HEATR4: variants seen among roughly 807,000 people sequenced by gnomAD.
The protein encoded by HEATR4 is HEAT repeat containing 4, also known as HEAT repeat-containing protein 4.
Under a neutral mutation model 108.8 loss-of-function variants are expected in HEATR4, and 95 were observed. The observed-to-expected ratio is 0.87, with a 90% CI of 0.74 to 1.04. HEATR4 has a LOEUF of 1.04. Among genes scored for constraint, HEATR4 ranks in the 50% least tolerant of loss-of-function variants. The probability of loss-of-function intolerance (pLI) is 0.00; values close to 1 mark genes in which losing one functional copy is unlikely to be tolerated. For synonymous variants in HEATR4, 443 were observed against 459.4 expected (o/e 0.96, Z 0.46); for missense variants, 1,152 against 1,253.8 (o/e 0.92, Z 1.23).
chr14:73,569,957 C>T, the HEATR4 span: 7 of 1,504,488 alleles, frequency 4.7e-6, no homozygotes, highest in East Asian at 4.9e-5. Flanking sequence ...CCACGCTTTT[C>T]GCTTATGTGT....
At chr14:73,619,986 A>T in the HEATR4 span, 1 of 909,296 alleles carries the variant, frequency 1.1e-6, no homozygotes, top group Non-Finnish European at 1.6e-6. Flanking sequence ...ATCTTGGCTC[A>T]CTGTAACCTC....
intron 17 of HEATR4, among the ~76,000 whole-genome samples, chr14:73,484,633 G>A (rs1284705177): frequency 3.3e-5 from 5 of 152,058 alleles, no homozygotes; most frequent in Admixed American, 3.3e-4. Flanking sequence ...TCCCGCCTCA[G>A]CCTCCCAAAG....
At chr14:73,518,865 G>C (rs1887798603) in intron 5 of HEATR4, among the ~76,000 whole-genome samples, 158 bp downstream of exon 5, 1 of 152,136 alleles carries the variant, frequency 6.6e-6, no homozygotes, top group Non-Finnish European at 1.5e-5. Flanking sequence ...TTATAATTTT[G>C]TGAGATTATT....
chr14:73,509,361 CTG>C lies in HEATR4; in HGVS notation c.1669_1670del (p.Gln557ValfsTer3). The C allele has an allele frequency of 6.2e-7, 1 of 1,614,098 alleles. No individual in the cohort carries two copies. The highest frequency in any genetic ancestry group is 1.1e-5 in the South Asian group (1 of 91,064). ...MAAAICQYAI[Q>X]SHNPLARNIM... ...TGTTCCGGGCAAGGGGATTATGTGA[CTG>C]TATGGCATATTGGCATATTGCTGCT... On this transcript the variant is annotated frameshift_variant, in exon 8 of 18. Transcript: ENST00000553558. LOFTEE classifies it high-confidence loss of function.
At chr14:73,482,498 G>T (rs1343477040) in intron 17 of HEATR4, among the ~76,000 whole-genome samples, 1 of 152,010 alleles carries the variant, frequency 6.6e-6, no homozygotes, top group African/African-American at 2.4e-5. Context: ...CTCCAGTCTG[G>T]GCGACACAGC....
intron 17 of HEATR4, among the ~76,000 whole-genome samples, chr14:73,485,608 C>T (rs1261917394): frequency 1.3e-5 from 2 of 152,158 alleles, no homozygotes; most frequent in Non-Finnish European, 2.9e-5. Context: ...CATGGCAGCT[C>T]ATTCCTGTAA....
the HEATR4 span, among the ~76,000 whole-genome samples, chr14:73,609,191 T>C: frequency 6.6e-6 from 1 of 152,172 alleles, no homozygotes; most frequent in East Asian, 1.9e-4. Flanking sequence ...TCAATGAGAA[T>C]TGGCTGGTGA....
the HEATR4 span, among the ~76,000 whole-genome samples, chr14:73,580,248 C>T: frequency 6.6e-6 from 1 of 152,006 alleles, no homozygotes; most frequent in African/African-American, 2.4e-5. Context: ...CCCACTTCAG[C>T]CTCCTGAGTA....
chr14:73,620,237 G>A, the HEATR4 span, among the ~76,000 whole-genome samples: 6,636 of 152,178 alleles, frequency 0.044, 181 homozygotes, highest in Middle Eastern at 0.075. Flanking sequence ...CCCAGAGCCC[G>A]TAGCAACCTT....
the HEATR4 span, among the ~76,000 whole-genome samples, chr14:73,572,176 C>A: frequency 2.9e-4 from 7 of 24,512 alleles, no homozygotes; most frequent in African/African-American, 5.5e-4. Flanking sequence ...TATAAGAGGC[C>A]AGATGAGCAG....
chr14:73,579,091 G>GAAAA, the HEATR4 span, among the ~76,000 whole-genome samples: 1 of 94,110 alleles, frequency 1.1e-5, no homozygotes, highest in Non-Finnish European at 2.2e-5. Flanking sequence ...TCAAAAAAAA[G>GAAAA]AAAAAAAAAA....
intron 1 of HEATR4, among the ~76,000 whole-genome samples, chr14:73,557,824 G>A: frequency 1.2e-5 from 1 of 85,382 alleles, no homozygotes; most frequent in South Asian, 3.7e-4. Context: ...CCAGTAGCTG[G>A]GACCACAGGT....
the HEATR4 span, chr14:73,592,140 G>A: frequency 6.3e-7 from 1 of 1,589,782 alleles, no homozygotes; most frequent in Non-Finnish European, 8.5e-7. Flanking sequence ...CGGCGAGCTG[G>A]ACCTGGAGCG....
chr14:73,570,017 T>G, the HEATR4 span: 6 of 1,330,236 alleles, frequency 4.5e-6, no homozygotes, highest in East Asian at 2.6e-5. Context: ...AGGTTTCGAA[T>G]TCCTGGTCTC....
chr14:73,597,090 A>ATTTT, the HEATR4 span, among the ~76,000 whole-genome samples: 2 of 145,584 alleles, frequency 1.4e-5, no homozygotes, highest in Admixed American at 7.1e-5. Context: ...TTATTTATTT[A>ATTTT]TTTATTTTTT....
the HEATR4 span, chr14:73,569,959 CT>C: frequency 4.7e-6 from 7 of 1,500,424 alleles, 1 homozygote; most frequent in Non-Finnish European, 6.2e-6. Context: ...ACGCTTTTCG[CT>C]TATGTGTATG....
chr14:73,583,601 C>G, the HEATR4 span, among the ~76,000 whole-genome samples: 17 of 151,944 alleles, frequency 1.1e-4, no homozygotes, highest in African/African-American at 3.6e-4. Flanking sequence ...GGTGCCAGAG[C>G]GCCAGAGTGA....
chr14:73,572,734 C>T, the HEATR4 span, among the ~76,000 whole-genome samples: 2 of 149,088 alleles, frequency 1.3e-5, no homozygotes, highest in South Asian at 2.2e-4. Flanking sequence ...CAACCTCCAC[C>T]TCCCGGGTTC....
the HEATR4 span, among the ~76,000 whole-genome samples, chr14:73,583,182 A>C: frequency 6.6e-6 from 1 of 151,952 alleles, no homozygotes; most frequent in African/African-American, 2.4e-5. Flanking sequence ...TCTGTACTAA[A>C]AATACAAAAA....
Sources: gnomAD v4.1 joint callset for allele counts (sites outside exome capture counted in the v4.1 genomes callset) on GRCh38, gnomAD v4.1.1 for gene constraint, MANE v1.5 for transcripts, NCBI Gene and HGNC (gene_info 2026-07-23, HGNC 2026-07-21) for gene names.